Variants in ZNF501 observed in about 807,000 individuals in gnomAD.
ZNF501 encodes the protein zinc finger protein 501.
ZNF501 carries 7 observed loss-of-function variants against 5.7 expected under a neutral mutation model. The observed-to-expected ratio is 1.24, with a 90% CI of 0.70 to 2.32. ZNF501 has a LOEUF of 2.32. Among genes scored for constraint, ZNF501 ranks in the 30% most tolerant of loss-of-function variants. ZNF501 has a pLI of 0.00. For synonymous variants in ZNF501, 107 were observed against 101.9 expected (o/e 1.05, Z -0.30); for missense variants, 352 against 321.1 (o/e 1.10, Z -0.73).
At position 44,736,871 on chromosome 3, in the gene ZNF501, A is replaced by G. The variant is rs1232276091; in HGVS notation, c.*1634A>G. 2.4e-5 allele frequency: 4 copies of G among 166,894 alleles called. No individual in the cohort carries two copies. Among genetic ancestry groups the G allele is most frequent in the African/African-American group, 9.7e-5 (4 of 41,442 alleles). 10.3% of individuals were successfully genotyped at this position (166,894 alleles called of 1,614,324 possible). A position where few individuals can be genotyped will look rare whatever the true frequency, so the allele number is the denominator to read the frequency against. Reference sequence around the variant, plus strand: ...TAAGTGTTCCTTGTATATTTTGTATAACAGACCTTTATCAGATAGGTCTTT... The same window carrying G: ...TAAGTGTTCCTTGTATATTTTGTATGACAGACCTTTATCAGATAGGTCTTT... On this transcript the variant is annotated 3_prime_UTR_variant, in exon 3 of 3. Transcript: ENST00000620116.
At position 44,730,025 on chromosome 3, in the gene ZNF501, T is replaced by A. The variant is rs2125872782; in HGVS notation, c.-311+10T>A. On this transcript the variant is annotated intron_variant, in intron 1 of 2. Coordinates refer to ENST00000620116, the MANE Select transcript of ZNF501 (RefSeq NM_001258280.2). ...AGTTGTGCGGGTTGAAGTAAGTATA[T>A]GCAAGAATTAGTGCCTTCCCTTCAT... 6.6e-6 allele frequency: 1 copy of A among 152,376 alleles called. No homozygotes were observed. Among genetic ancestry groups the A allele is most frequent in the East Asian group, 1.9e-4 (1 of 5,188 alleles). 9.4% of individuals were successfully genotyped at this position (152,376 alleles called of 1,614,324 possible).
At chr3:44,733,114 A>G (rs1704638364) in intron 2 of ZNF501, among the ~76,000 whole-genome samples, 1 of 152,202 alleles carries the variant, frequency 6.6e-6, no homozygotes, top group Non-Finnish European at 1.5e-5. Flanking sequence ...GCGAGCCACC[A>G]TGCCTGGCCT....
In ZNF501 at chr3:44,729,755, G is replaced by C. The variant is rs1704577848; in HGVS notation, c.-571G>C. 6.6e-6 allele frequency: 1 copy of C among 152,366 alleles called. No homozygotes were observed. The highest frequency in any genetic ancestry group is 1.5e-5 in the Non-Finnish European group (1 of 68,166). 9.4% of individuals were successfully genotyped at this position (152,366 alleles called of 1,614,324 possible). On this transcript the variant is annotated 5_prime_UTR_variant, in exon 1 of 3. Transcript: ENST00000620116. ...GTTTCTGCTGTGCCCGGCTGCCGCGGGTCGATTCCAGCTCCTCCCTCGGGA... is the reference window on the plus strand; with the variant it reads ...GTTTCTGCTGTGCCCGGCTGCCGCGCGTCGATTCCAGCTCCTCCCTCGGGA...
intron 2 of ZNF501, among the ~76,000 whole-genome samples, chr3:44,733,555 TTAG>T (rs1559505912): frequency 6.6e-6 from 1 of 152,192 alleles, no homozygotes; most frequent in Non-Finnish European, 1.5e-5. Context: ...ATAAATCTGA[TTAG>T]TATATTTCAG....
intron 1 of ZNF501, among the ~76,000 whole-genome samples, chr3:44,730,725 T>A (rs1351973061): frequency 6.6e-6 from 1 of 152,184 alleles, no homozygotes; most frequent in Non-Finnish European, 1.5e-5. Context: ...ACAAAGGCAA[T>A]CCTCTTGTTA....
chr3:44,731,496 C>G lies in ZNF501; in HGVS notation c.-290C>G, dbSNP rs896183005. Reference sequence around the variant, plus strand: ...CTCAGTGCCTCAAATTCCTGCCTTTCCTCAAGAGAAGAGCCCCCAGGAGAA... The same window carrying G: ...CTCAGTGCCTCAAATTCCTGCCTTTGCTCAAGAGAAGAGCCCCCAGGAGAA... On this transcript the variant is annotated 5_prime_UTR_variant, in exon 2 of 3. Transcript: ENST00000620116. 6.6e-6 allele frequency: 1 copy of G among 152,182 alleles called. No individual in the cohort carries two copies. Among genetic ancestry groups the G allele is most frequent in the South Asian group, 2.1e-4 (1 of 4,834 alleles). 9.4% of individuals were successfully genotyped at this position (152,182 alleles called of 1,614,324 possible). A position where few individuals can be genotyped will look rare whatever the true frequency, so the allele number is the denominator to read the frequency against.
At position 44,734,602 on chromosome 3, in the gene ZNF501, A is replaced by C. The variant is rs1167511667; in HGVS notation, c.181A>C (p.Lys61Gln). The change falls in exon 3 of 3, where the codon AAA becomes CAA. Residue 61 changes from lysine to glutamine, a missense_variant. Transcript: ENST00000620116. ...CAGTGAATGTGGAAGTTGTTTCCGT[A>C]AACAGTCAAATCTTACTCAACATCT... Reference protein sequence around the residue: ...VCSECGSCFRKQSNLTQHLRI... With the variant: ...VCSECGSCFRQQSNLTQHLRI... 3.7e-6 allele frequency: 6 copies of C among 1,614,110 alleles called. No individual in the cohort carries two copies. The highest frequency in any genetic ancestry group is 4.2e-6 in the Non-Finnish European group (5 of 1,179,996).
chr3:44,737,015 A>AT lies in ZNF501; in HGVS notation c.*1784dup, dbSNP rs1458299336. ...GGTAGCATAATATACACAGTTGTCC[A>AT]TTTTTTAAAGACTAAACCATCTCAC... On this transcript the variant is annotated 3_prime_UTR_variant, in exon 3 of 3. Transcript: ENST00000620116. 2 of 165,640 alleles carry AT rather than the reference A, an allele frequency of 1.2e-5. No individual in the cohort carries two copies. The highest frequency in any genetic ancestry group is 3.0e-5 in the Non-Finnish European group (2 of 67,770). 10.3% of individuals were successfully genotyped at this position (165,640 alleles called of 1,614,324 possible). A position where few individuals can be genotyped will look rare whatever the true frequency, so the allele number is the denominator to read the frequency against.
Position 44,734,899 on chromosome 3 carries a change from A to G in ZNF501, c.478A>G (p.Lys160Glu). ...TRHQRSHSGDKPFKCNECGKA... is the reference protein window; with the variant it reads ...TRHQRSHSGDEPFKCNECGKA... Reference sequence around the variant, plus strand: ...TCATCAGAGAAGTCATTCTGGAGATAAACCTTTTAAGTGTAATGAATGTGG... The same window carrying G: ...TCATCAGAGAAGTCATTCTGGAGATGAACCTTTTAAGTGTAATGAATGTGG... Residue 160 changes from lysine (K) to glutamate (E), a missense_variant, in exon 3 of 3, where the codon AAA becomes GAA. Lys to Glu is a moderately conservative substitution (Grantham distance 56). Transcript: ENST00000620116. 5.0e-6 allele frequency: 8 copies of G among 1,613,962 alleles called. No homozygotes were observed. The highest frequency in any genetic ancestry group is 5.9e-6 in the Non-Finnish European group (7 of 1,180,020).
At chr3:44,733,843 G>C (rs1174249418) in intron 2 of ZNF501, among the ~76,000 whole-genome samples, 1 of 152,226 alleles carries the variant, frequency 6.6e-6, no homozygotes. Flanking sequence ...AGAAGGATTG[G>C]TGAGATAGGC....
At position 44,734,836 on chromosome 3, in the gene ZNF501, T is replaced by C. The variant is rs1226641555; in HGVS notation, c.415T>C (p.Cys139Arg). ...AGAGAAACCATATAAATGTACAGAA[T>C]GTGGCAAAGCCTTCAGTCAGAGCAT... ...TGEKPYKCTE[C>R]GKAFSQSICL... Residue 139 changes from cysteine to arginine, a missense_variant, in exon 3 of 3, where the codon TGT becomes CGT. Transcript: ENST00000620116. The C allele has an allele frequency of 6.2e-7, 1 of 1,613,936 alleles. No individual in the cohort carries two copies. The highest frequency in any genetic ancestry group is 8.5e-7 in the Non-Finnish European group (1 of 1,180,020).
Position 44,735,389 on chromosome 3 carries a change from G to A in ZNF501, c.*152G>A. The A allele has an allele frequency of 2.9e-6, 2 of 679,184 alleles. No individual in the cohort carries two copies. Among genetic ancestry groups the A allele is most frequent in the Non-Finnish European group, 4.8e-6 (2 of 414,350 alleles). The allele number at this position is 679,184 out of a possible 1,614,324, so 42.1% of individuals were successfully genotyped here. On this transcript the variant is annotated 3_prime_UTR_variant, in exon 3 of 3. Transcript: ENST00000620116. ...GTGTCCTAATGTGTCCTAGTCTGGA[G>A]TTTGATGCCTTATCTGCTGCTCAGT... is the stretch of plus-strand genomic sequence containing the variant.
chr3:44,734,394 T>G lies in ZNF501; in HGVS notation c.-28T>G, dbSNP rs757511643. ...ATCACCTTTGAGGAAAAAAAACTTGTAAGTATGAATTTGGTGTTACAAGCA... is the reference window on the plus strand; with the variant it reads ...ATCACCTTTGAGGAAAAAAAACTTGGAAGTATGAATTTGGTGTTACAAGCA... On this transcript the variant is annotated 5_prime_UTR_variant, in exon 3 of 3. Coordinates refer to ENST00000620116, the MANE Select transcript of ZNF501 (RefSeq NM_001258280.2). The G allele has an allele frequency of 3.8e-6, 6 of 1,590,702 alleles. No individual in the cohort carries two copies. The highest frequency in any genetic ancestry group is 1.4e-5 in the African/African-American group (1 of 73,800).
At chr3:44,730,042 T>A (rs1416302039) in intron 1 of ZNF501, 27 bp downstream of exon 1, 38 of 152,230 alleles carry the variant, frequency 2.5e-4, no homozygotes, top group Non-Finnish European at 8.8e-5. Flanking sequence ...ATTAGTGCCT[T>A]CCCTTCATTA....
Position 44,734,763 on chromosome 3 carries a change from CT to C in ZNF501, c.346del (p.Cys116ValfsTer179), listed in dbSNP as rs1169603507. 2 of 1,613,850 alleles carry C rather than the reference CT, an allele frequency of 1.2e-6. No individual in the cohort carries two copies. Among genetic ancestry groups the C allele is most frequent in the Non-Finnish European group, 1.7e-6 (2 of 1,179,970 alleles). On this transcript the variant is annotated frameshift_variant, in exon 3 of 3. Transcript: ENST00000620116. LOFTEE classifies it high-confidence loss of function. ...ATAAATGCAATGAATGTGGAAAAGC[CT>C]TTTGTCAGAGCCCATCCCTTATTAA... ...PYKCNECGKA[F>X]CQSPSLIKHQ...
Position 44,734,373 on chromosome 3 carries a change from C to G in ZNF501, c.-49C>G, listed in dbSNP as rs751453244. ...AACTGTATTACTCTAATGATAATCA[C>G]CTTTGAGGAAAAAAAACTTGTAAGT... On this transcript the variant is annotated 5_prime_UTR_variant, in exon 3 of 3. Transcript: ENST00000620116. 1 of 1,533,014 alleles carries G rather than the reference C, an allele frequency of 6.5e-7. No individual in the cohort carries two copies. Among genetic ancestry groups the G allele is most frequent in the African/African-American group, 1.4e-5 (1 of 72,664 alleles). The allele number at this position is 1,533,014 out of a possible 1,614,324, so 95.0% of individuals were successfully genotyped here.
Position 44,734,364 on chromosome 3 carries a change from T to C in ZNF501, c.-58T>C, listed in dbSNP as rs1050339105. Reference sequence around the variant, plus strand: ...TCCTAGGAGAACTGTATTACTCTAATGATAATCACCTTTGAGGAAAAAAAA... The same window carrying C: ...TCCTAGGAGAACTGTATTACTCTAACGATAATCACCTTTGAGGAAAAAAAA... On this transcript the variant is annotated 5_prime_UTR_variant, in exon 3 of 3. It removes an upstream start codon present in the reference 5' UTR. Transcript: ENST00000620116. The C allele has an allele frequency of 3.3e-5, 49 of 1,471,382 alleles. No homozygotes were observed. The highest frequency in any genetic ancestry group is 7.3e-5 in the Admixed American group (4 of 54,706). 91.1% of individuals were successfully genotyped at this position (1,471,382 alleles called of 1,614,324 possible).
chr3:44,734,476 A>G lies in ZNF501; in HGVS notation c.55A>G (p.Lys19Glu), dbSNP rs369786131. The G allele has an allele frequency of 1.2e-6, 2 of 1,614,190 alleles. No individual in the cohort carries two copies. The highest frequency in any genetic ancestry group is 1.7e-6 in the Non-Finnish European group (2 of 1,180,018). The change falls in exon 3 of 3, where the codon AAG becomes GAG. Residue 19 changes from lysine to glutamate, a missense_variant. Lys to Glu is a moderately conservative substitution (Grantham distance 56). Transcript: ENST00000620116. ...GAAACATGGGAGAGTTAACATGCAG[A>G]AGAAACCTTCAAAGTGTAGTGAATG... ...RMKHGRVNMQ[K>E]KPSKCSECGK... is the part of the protein sequence containing the mutation.
Position 44,734,850 on chromosome 3 carries a change from C to T in ZNF501, c.429C>T (p.Phe143=), listed in dbSNP as rs781040517. 12 of 1,613,856 alleles carry T rather than the reference C, an allele frequency of 7.4e-6. No individual in the cohort carries two copies. Among genetic ancestry groups the T allele is most frequent in the Non-Finnish European group, 1.0e-5 (12 of 1,180,006 alleles). ...PYKCTECGKA[F]SQSICLTRHQ... ...AATGTACAGAATGTGGCAAAGCCTT[C>T]AGTCAGAGCATATGCCTTACTCGTC... Residue 143 remains phenylalanine, a synonymous_variant, in exon 3 of 3, where the codon TTC becomes TTT. Coordinates refer to ENST00000620116, the MANE Select transcript of ZNF501 (RefSeq NM_001258280.2).
Sources: gnomAD v4.1 joint callset for allele counts (sites outside exome capture counted in the v4.1 genomes callset) on GRCh38, gnomAD v4.1.1 for gene constraint, MANE v1.5 for transcripts, NCBI Gene and HGNC (gene_info 2026-07-23, HGNC 2026-07-21) for gene names.